The following APBB2 variants were observed in gnomAD, a reference collection of about 807,000 sequenced individuals.
APBB2 encodes Fe65-like 1.
APBB2 carries 38 observed loss-of-function variants against 82.5 expected under a neutral mutation model. The observed-to-expected ratio is 0.46, with a 90% CI of 0.36 to 0.60. APBB2 has a LOEUF of 0.60. APBB2 is among the 20% of genes least tolerant of loss of function. APBB2 has a pLI of 0.00. For missense variants in APBB2, 772 were observed against 972.3 expected (o/e 0.79, Z 2.74); for synonymous variants, 341 against 368.2 (o/e 0.93, Z 0.85).
At chr4:41,096,544 G>T (rs12505741) in intron 3 of APBB2, among the ~76,000 whole-genome samples, 2 of 151,954 alleles carry the variant, frequency 1.3e-5, no homozygotes, top group Non-Finnish European at 2.9e-5. Context: ...AATATAAAAC[G>T]TGTGTACACA....
chr4:40,851,513 T>A (rs1759346333), intron 12 of APBB2, among the ~76,000 whole-genome samples: 6 of 152,040 alleles, frequency 3.9e-5, no homozygotes, highest in Non-Finnish European at 8.8e-5. Context: ...TACGACAGAA[T>A]CAGGCCAACT....
intron 13 of APBB2, among the ~76,000 whole-genome samples, chr4:40,828,066 C>T (rs1260659334): frequency 6.6e-6 from 1 of 152,134 alleles, no homozygotes; most frequent in Non-Finnish European, 1.5e-5. Flanking sequence ...CACCTTCCAC[C>T]ATGATTGTGA....
In APBB2 at chr4:40,916,099, G is replaced by A. The variant is rs114699580; in HGVS notation, c.1254+18357C>T. On this transcript the variant is annotated intron_variant, in intron 10 of 17. Transcript: ENST00000508593. The stretch of plus-strand genomic sequence containing the variant: ...GAAACTCTCTGCCAAGATAGGCATG[G>A]TAATTGCAGAAGAGAAAACATTTTA... Among the ~76,000 whole-genome samples the A allele has an allele frequency of 6.6e-3, 998 of 152,320 alleles. 14 individuals are homozygous for A. The highest frequency in any genetic ancestry group is 0.023 in the African/African-American group (948 of 41,554).
At chr4:41,142,487 T>C (rs1759531329) in intron 2 of APBB2, among the ~76,000 whole-genome samples, 1 of 152,162 alleles carries the variant, frequency 6.6e-6, no homozygotes, top group African/African-American at 2.4e-5. Context: ...TTAGAGTATA[T>C]AAAATCTGGC....
At chr4:41,040,602 G>A (rs962791190) in intron 4 of APBB2, among the ~76,000 whole-genome samples, 2 of 152,196 alleles carry the variant, frequency 1.3e-5, no homozygotes, top group Admixed American at 6.5e-5. Flanking sequence ...GCTGGTACCA[G>A]CTGTTCACCT....
chr4:40,949,816 C>A (rs1222653054), intron 6 of APBB2, among the ~76,000 whole-genome samples: 1 of 152,172 alleles, frequency 6.6e-6, no homozygotes, highest in Admixed American at 6.5e-5. Context: ...TGCCACGCAC[C>A]CCCTTTTGAC....
At chr4:40,929,846 A>G (rs1170654541) in intron 10 of APBB2, among the ~76,000 whole-genome samples, 1 of 152,192 alleles carries the variant, frequency 6.6e-6, no homozygotes. Flanking sequence ...TACCAAAGCA[A>G]TAATTTAAAA....
intron 1 of APBB2, among the ~76,000 whole-genome samples, chr4:41,195,047 C>G: frequency 6.6e-6 from 1 of 152,036 alleles, no homozygotes; most frequent in African/African-American, 2.4e-5. Flanking sequence ...CTCCTCAAGC[C>G]CCCTTTGCTA....
intron 12 of APBB2, among the ~76,000 whole-genome samples, chr4:40,882,412 A>C (rs1768895723): frequency 6.6e-6 from 1 of 152,174 alleles, no homozygotes; most frequent in Non-Finnish European, 1.5e-5. Flanking sequence ...ACCTAGACTT[A>C]AAAAGAGGGC....
chr4:41,117,875 G>A (rs1011708787), intron 2 of APBB2, among the ~76,000 whole-genome samples: 1 of 152,122 alleles, frequency 6.6e-6, no homozygotes. Context: ...GGGATAAAGT[G>A]GCAAATGAAA....
chr4:41,189,345 G>A (rs534940760), intron 1 of APBB2, among the ~76,000 whole-genome samples: 6 of 152,114 alleles, frequency 3.9e-5, no homozygotes, highest in Non-Finnish European at 7.4e-5. Flanking sequence ...ACAATGGGAG[G>A]GGTACTGTCT....
At chr4:41,043,980 A>G (rs1013902644) in intron 4 of APBB2, among the ~76,000 whole-genome samples, 2 of 152,190 alleles carry the variant, frequency 1.3e-5, no homozygotes, top group African/African-American at 4.8e-5. Context: ...GAACAGATTG[A>G]AATTCAGTCT....
At chr4:41,020,433 C>A (rs887112673) in intron 5 of APBB2, among the ~76,000 whole-genome samples, 2 of 152,292 alleles carry the variant, frequency 1.3e-5, no homozygotes, top group South Asian at 4.1e-4. Flanking sequence ...CCTGTAGAAG[C>A]AGTTAGGAAA....
chr4:41,186,529 G>A (rs1366690520), intron 1 of APBB2, among the ~76,000 whole-genome samples: 2 of 152,080 alleles, frequency 1.3e-5, no homozygotes, highest in Non-Finnish European at 2.9e-5. Context: ...CTTACACTAT[G>A]TCAACAACTG....
At chr4:41,106,754 G>A (rs1747408695) in intron 2 of APBB2, among the ~76,000 whole-genome samples, 1 of 152,176 alleles carries the variant, frequency 6.6e-6, no homozygotes, top group Admixed American at 6.5e-5. Context: ...GGGATTACAG[G>A]AGTGAGCCAC....
At position 40,853,596 on chromosome 4, in the gene APBB2, C is replaced by T. The variant is rs193079453; in HGVS notation, c.1530-23019G>A. On this transcript the variant is annotated intron_variant, in intron 12 of 17. Coordinates refer to ENST00000508593, the MANE Select transcript of APBB2 (RefSeq NM_004307.2). Reference sequence around the variant, plus strand: ...TCACGAGCAGCTGGGATTACAGGCACGCACCACCATGTCTGGCTAATTTTT... The same window carrying T: ...TCACGAGCAGCTGGGATTACAGGCATGCACCACCATGTCTGGCTAATTTTT... 5.6e-3 allele frequency among the ~76,000 whole-genome samples: 844 copies of T among 152,062 alleles called. 6 individuals carry two copies. Among genetic ancestry groups the T allele is most frequent in the South Asian group, 0.011 (54 of 4,812 alleles).
At chr4:41,018,470 G>A (rs1284045889) in intron 5 of APBB2, among the ~76,000 whole-genome samples, 1 of 152,116 alleles carries the variant, frequency 6.6e-6, no homozygotes, top group Non-Finnish European at 1.5e-5. Flanking sequence ...GAAAGGAGAG[G>A]CGGTATGATG....
intron 2 of APBB2, among the ~76,000 whole-genome samples, chr4:41,101,103 G>A (rs574540266): frequency 4.3e-4 from 66 of 152,266 alleles, no homozygotes; most frequent in Admixed American, 9.2e-4. Context: ...AAGGTCTTCC[G>A]AAATCACACT....
At chr4:40,876,562 C>T (rs982476277) in intron 12 of APBB2, among the ~76,000 whole-genome samples, 1 of 152,122 alleles carries the variant, frequency 6.6e-6, no homozygotes, top group African/African-American at 2.4e-5. Context: ...GGAATTAGTT[C>T]CAGGACCCCC....
Sources: allele counts gnomAD v4.1 joint callset (sites outside exome capture counted in the v4.1 genomes callset), GRCh38; gene constraint gnomAD v4.1.1; transcripts MANE v1.5; gene names NCBI Gene and HGNC (gene_info 2026-07-23, HGNC 2026-07-21).